Variants in HECW1 observed in about 807,000 individuals in gnomAD.
HECW1 encodes E3 ubiquitin-protein ligase HECW1.
In HECW1, 61 loss-of-function variants were observed where a neutral mutation model predicts 182.3. That is an observed-to-expected ratio of 0.33 (90% CI 0.27 to 0.41). The LOEUF is 0.41. Among genes scored for constraint, HECW1 ranks in the 10% least tolerant of loss-of-function variants. HECW1 has a pLI of 1.00. For missense variants in HECW1, 1,739 were observed against 2,108.9 expected (o/e 0.82, Z 3.44); for synonymous variants, 859 against 832.6 (o/e 1.03, Z -0.55).
intron 4 of HECW1, 112 bp downstream of exon 4, chr7:43,312,199 A>G: frequency 1.0e-6 from 1 of 980,762 alleles, no homozygotes; most frequent in South Asian, 1.7e-5. Context: ...GTTATATGCC[A>G]GATTCTAACA....
chr7:43,226,843 A>G (rs1797472719), intron 2 of HECW1, among the ~76,000 whole-genome samples: 1 of 152,186 alleles, frequency 6.6e-6, no homozygotes, highest in Admixed American at 6.5e-5. Context: ...GTGTTCAGTC[A>G]TTGGTCAGGG....
chr7:43,544,064 AT>A (rs1047148405), intron 26 of HECW1, among the ~76,000 whole-genome samples: 27 of 152,170 alleles, frequency 1.8e-4, no homozygotes, highest in African/African-American at 6.5e-4. Context: ...GAATGTAAAA[AT>A]TTTTAAAAAA....
intron 3 of HECW1, among the ~76,000 whole-genome samples, chr7:43,303,074 C>T (rs1408973110): frequency 1.3e-5 from 2 of 152,108 alleles, no homozygotes; most frequent in Non-Finnish European, 2.9e-5. Context: ...TCCTGGCTGC[C>T]ACCTTCCTCC....
chr7:43,360,176 T>A (rs1418141480), intron 5 of HECW1, among the ~76,000 whole-genome samples: 1 of 152,040 alleles, frequency 6.6e-6, no homozygotes, highest in Non-Finnish European at 1.5e-5. Flanking sequence ...GTGATCCCCC[T>A]AAACTCTTTA....
intron 2 of HECW1, among the ~76,000 whole-genome samples, chr7:43,211,113 T>G (rs578188409): frequency 6.6e-6 from 1 of 152,288 alleles, no homozygotes; most frequent in African/African-American, 2.4e-5. Flanking sequence ...TTTAGTGAGC[T>G]CTCTCATTAG....
intron 2 of HECW1, among the ~76,000 whole-genome samples, chr7:43,210,560 G>A (rs6975782): frequency 6.6e-6 from 1 of 151,760 alleles, no homozygotes; most frequent in Non-Finnish European, 1.5e-5. Flanking sequence ...CCTCGTGTTC[G>A]CTAACCTGGG....
intron 24 of HECW1, among the ~76,000 whole-genome samples, chr7:43,518,096 T>C (rs1459011224): frequency 1.3e-5 from 2 of 152,208 alleles, no homozygotes; most frequent in African/African-American, 4.8e-5. Flanking sequence ...TTTATGCATA[T>C]GCTAGAACAT....
chr7:43,114,881 T>C (rs1473378723), intron 2 of HECW1, among the ~76,000 whole-genome samples: 1 of 152,256 alleles, frequency 6.6e-6, no homozygotes, highest in East Asian at 1.9e-4. Context: ...TATTTGTGTA[T>C]ATAGCATCAT....
At chr7:43,469,181 GGA>G in intron 16 of HECW1, 76 bp downstream of exon 16, 2 of 1,447,254 alleles carry the variant, frequency 1.4e-6, no homozygotes, top group Non-Finnish European at 1.9e-6. Context: ...GGCGTGAGGA[GGA>G]GAGTGTGGGG....
At chr7:43,340,592 A>G (rs1812847361) in intron 5 of HECW1, among the ~76,000 whole-genome samples, 1 of 151,624 alleles carries the variant, frequency 6.6e-6, no homozygotes, top group African/African-American at 2.4e-5. Flanking sequence ...GGTGACAGTA[A>G]TCAACACTGA....
At chr7:43,529,738 C>T (rs535682838) in intron 24 of HECW1, among the ~76,000 whole-genome samples, 4 of 152,234 alleles carry the variant, frequency 2.6e-5, no homozygotes, top group African/African-American at 9.6e-5. Flanking sequence ...GCCCACCAGT[C>T]CCCATCTCCA....
Position 43,508,996 on chromosome 7 carries a change from GTTC to G in HECW1, c.3901_3903del (p.Phe1301del), listed in dbSNP as rs1208966729. ...TGGACTACAGTGGCCCCTCGCGGGA[GTTC>G]TTCTTCCTTCTGTCTCAGGAGCTCT... On this transcript the variant is annotated inframe_deletion, in exon 24 of 30. Coordinates refer to ENST00000395891, the MANE Select transcript of HECW1 (RefSeq NM_015052.5). 1.2e-6 allele frequency: 2 copies of G among 1,614,102 alleles called. No homozygotes were observed. Among genetic ancestry groups the G allele is most frequent in the Non-Finnish European group, 8.5e-7 (1 of 1,179,996 alleles).
intron 5 of HECW1, among the ~76,000 whole-genome samples, chr7:43,356,943 A>G (rs1284002478): frequency 6.6e-6 from 1 of 152,224 alleles, no homozygotes; most frequent in South Asian, 2.1e-4. Context: ...GTGAATAGAC[A>G]TTTCTTAAAA....
chr7:43,536,408 G>A (rs1585226150), intron 24 of HECW1, among the ~76,000 whole-genome samples: 2 of 152,148 alleles, frequency 1.3e-5, no homozygotes, highest in East Asian at 3.9e-4. Context: ...GACCCATCTG[G>A]GTGTGGCTAG....
intron 24 of HECW1, among the ~76,000 whole-genome samples, chr7:43,533,756 C>T (rs1176861329): frequency 2.0e-5 from 3 of 152,176 alleles, no homozygotes; most frequent in Non-Finnish European, 4.4e-5. Context: ...CACATTATCA[C>T]CAAATGCCCA....
At chr7:43,473,529 A>C (rs1158466770) in intron 16 of HECW1, among the ~76,000 whole-genome samples, 1 of 152,224 alleles carries the variant, frequency 6.6e-6, no homozygotes. Flanking sequence ...GCTTTAAAAC[A>C]TATTGGAAAA....
intron 3 of HECW1, among the ~76,000 whole-genome samples, chr7:43,262,802 C>T (rs1450941782): frequency 3.3e-5 from 5 of 152,168 alleles, no homozygotes. Flanking sequence ...GGGCCACTAT[C>T]CTTGTCCATT....
At chr7:43,352,507 A>C (rs1159655361) in intron 5 of HECW1, among the ~76,000 whole-genome samples, 1 of 152,212 alleles carries the variant, frequency 6.6e-6, no homozygotes, top group Non-Finnish European at 1.5e-5. Flanking sequence ...GCTGGTCAGC[A>C]AACTTGAGTT....
intron 2 of HECW1, among the ~76,000 whole-genome samples, chr7:43,183,323 A>T (rs931578468): frequency 1.3e-5 from 2 of 152,146 alleles, no homozygotes; most frequent in African/African-American, 4.8e-5. Context: ...TGGAGAATAG[A>T]TACCTGGTTT....
Sources: allele counts gnomAD v4.1 joint callset (sites outside exome capture counted in the v4.1 genomes callset), GRCh38; gene constraint gnomAD v4.1.1; transcripts MANE v1.5; gene names NCBI Gene and HGNC (gene_info 2026-07-23, HGNC 2026-07-21).